MAN1A2: variants seen among roughly 807,000 people sequenced by gnomAD.
The protein encoded by MAN1A2 is mannosyl-oligosaccharide 1,2-alpha-mannosidase IB.
A neutral mutation model predicts 75.7 loss-of-function variants in MAN1A2; 26 were observed. That is an observed-to-expected ratio of 0.34 (90% CI 0.25 to 0.48). MAN1A2 has a LOEUF of 0.48. MAN1A2 is among the 20% of genes least tolerant of loss of function. The pLI is 0.99. For synonymous variants in MAN1A2, 247 were observed against 264.6 expected, an observed-to-expected ratio of 0.93 and a Z score of 0.65; for missense variants, 562 against 775.5, an observed-to-expected ratio of 0.72 and a Z score of 3.27.
intron 5 of MAN1A2, among the ~76,000 whole-genome samples, chr1:117,428,792 T>C (rs936280422): frequency 8.4e-5 from 12 of 142,430 alleles, no homozygotes; most frequent in Non-Finnish European, 7.6e-5. Context: ...TTCTTTTTTT[T>C]TTTTTTTTTT....
At chr1:117,522,673 G>T in intron 12 of MAN1A2, 152 bp from the exon 13 acceptor site, 1 of 653,798 alleles carries the variant, frequency 1.5e-6, no homozygotes, top group South Asian at 1.9e-5. Context: ...TTTGTGTTTA[G>T]ATCATTTGGG....
intron 8 of MAN1A2, among the ~76,000 whole-genome samples, chr1:117,467,555 A>G (rs1481627177): frequency 1.3e-5 from 2 of 152,092 alleles, no homozygotes; most frequent in Non-Finnish European, 2.9e-5. Flanking sequence ...GTTTCCTGAA[A>G]TTATTTACAT....
At chr1:117,464,635 C>G (rs925409044) in intron 7 of MAN1A2, among the ~76,000 whole-genome samples, 20 of 152,058 alleles carry the variant, frequency 1.3e-4, no homozygotes, top group South Asian at 8.3e-4. Context: ...ATGGTGAGTA[C>G]TTCTTTGGAC....
chr1:117,523,628 C>G lies in MAN1A2; in HGVS notation c.*671C>G, dbSNP rs1170911100. ...AATTTTCTCTGGGGGCATGATCTCA[C>G]AAAGAATACTCAAGTCTTTTTCTTC... is the stretch of plus-strand genomic sequence containing the variant. On this transcript the variant is annotated 3_prime_UTR_variant, in exon 13 of 13. Transcript: ENST00000356554. The G allele has an allele frequency of 5.9e-6, 1 of 169,134 alleles. No homozygotes were observed. Among genetic ancestry groups the G allele is most frequent in the Non-Finnish European group, 1.3e-5 (1 of 78,500 alleles). 10.5% of individuals were successfully genotyped at this position (169,134 alleles called of 1,614,324 possible). A position where few individuals can be genotyped will look rare whatever the true frequency, so the allele number is the denominator to read the frequency against.
In MAN1A2 at chr1:117,367,811, G is replaced by A; in HGVS notation, c.-373G>A. ...GGATGTCGCCAGTCTCCCTTTCGGGGCGGAAGACTACGTTTGAGCATCTCA... is the reference window on the plus strand; with the variant it reads ...GGATGTCGCCAGTCTCCCTTTCGGGACGGAAGACTACGTTTGAGCATCTCA... On this transcript the variant is annotated 5_prime_UTR_variant, in exon 1 of 13. Transcript: ENST00000356554. 1 of 186,374 alleles carries A rather than the reference G, an allele frequency of 5.4e-6. No homozygotes were observed. Among genetic ancestry groups the A allele is most frequent in the Non-Finnish European group, 1.1e-5 (1 of 90,570 alleles). The allele number at this position is 186,374 out of a possible 1,614,324, so 11.5% of individuals were successfully genotyped here.
intron 8 of MAN1A2, among the ~76,000 whole-genome samples, chr1:117,469,588 T>C (rs901381301): frequency 6.6e-6 from 1 of 152,048 alleles, no homozygotes; most frequent in African/African-American, 2.4e-5. Flanking sequence ...ACACAGAATA[T>C]ATAAAGAACT....
chr1:117,466,291 C>T (rs544675226), intron 7 of MAN1A2, 43 bp from the exon 8 acceptor site: 34 of 1,280,774 alleles, frequency 2.7e-5, no homozygotes, highest in Non-Finnish European at 3.7e-5. Flanking sequence ...GCCTTGATGA[C>T]ACTTATTTTT....
chr1:117,435,814 T>C (rs1053385866), intron 5 of MAN1A2, among the ~76,000 whole-genome samples: 15 of 152,182 alleles, frequency 9.9e-5, no homozygotes, highest in Non-Finnish European at 2.1e-4. Flanking sequence ...TCCCAGCACT[T>C]TGGGAGGCCG....
chr1:117,449,558 C>CAAA (rs34612489), intron 6 of MAN1A2, among the ~76,000 whole-genome samples: 6 of 106,672 alleles, frequency 5.6e-5, no homozygotes, highest in Admixed American at 1.1e-4. Context: ...GACCCTGTCT[C>CAAA]AAAAAAAAAA....
intron 7 of MAN1A2, among the ~76,000 whole-genome samples, chr1:117,466,047 C>T (rs558415078): frequency 8.1e-4 from 123 of 152,172 alleles, no homozygotes; most frequent in Non-Finnish European, 1.6e-3. Flanking sequence ...GATGGTATTT[C>T]TAGGTAGTAG....
At chr1:117,519,815 C>T (rs1262450566) in intron 12 of MAN1A2, among the ~76,000 whole-genome samples, 1 of 152,006 alleles carries the variant, frequency 6.6e-6, no homozygotes, top group Non-Finnish European at 1.5e-5. Flanking sequence ...AGTAACCCTC[C>T]CTAATTCATT....
At chr1:117,368,779 G>A (rs771130320) in intron 1 of MAN1A2, among the ~76,000 whole-genome samples, 2 of 152,112 alleles carry the variant, frequency 1.3e-5, no homozygotes, top group Non-Finnish European at 2.9e-5. Context: ...GGACATCTGG[G>A]AAGGGAGGTA....
At chr1:117,373,735 C>T (rs1423188194) in intron 1 of MAN1A2, among the ~76,000 whole-genome samples, 1 of 152,062 alleles carries the variant, frequency 6.6e-6, no homozygotes, top group Non-Finnish European at 1.5e-5. Flanking sequence ...TTCAAGTAAT[C>T]CTTTTACCTT....
At chr1:117,382,435 G>C (rs1653375847) in intron 1 of MAN1A2, among the ~76,000 whole-genome samples, 1 of 152,178 alleles carries the variant, frequency 6.6e-6, no homozygotes, top group Non-Finnish European at 1.5e-5. Flanking sequence ...TTATTAAATA[G>C]GGAATCCTTT....
intron 12 of MAN1A2, among the ~76,000 whole-genome samples, chr1:117,507,484 AAAG>A (rs746576906): frequency 1.1e-4 from 16 of 151,850 alleles, no homozygotes; most frequent in South Asian, 4.1e-4. Context: ...ATAAACCAAA[AAAG>A]AAGACATAAA....
chr1:117,451,761 A>G (rs914969154), intron 6 of MAN1A2, among the ~76,000 whole-genome samples: 1 of 152,182 alleles, frequency 6.6e-6, no homozygotes, highest in African/African-American at 2.4e-5. Flanking sequence ...GCCACGTGGA[A>G]CTGTAAGGCC....
chr1:117,483,210 T>G (rs557716618), intron 8 of MAN1A2, among the ~76,000 whole-genome samples: 2 of 152,152 alleles, frequency 1.3e-5, no homozygotes, highest in Non-Finnish European at 2.9e-5. Flanking sequence ...TAGGATTGTC[T>G]TGGCAATGCA....
At chr1:117,411,817 A>G (rs1355864359) in intron 3 of MAN1A2, among the ~76,000 whole-genome samples, 1 of 151,800 alleles carries the variant, frequency 6.6e-6, no homozygotes, top group Non-Finnish European at 1.5e-5. Flanking sequence ...TTGAGGATCA[A>G]CAATACCAAA....
At position 117,434,675 on chromosome 1, in the gene MAN1A2, A is replaced by G. The variant is rs887938139; in HGVS notation, c.856-7556A>G. Among the ~76,000 whole-genome samples the G allele has an allele frequency of 2.0e-5, 3 of 152,078 alleles. No homozygotes were observed. The East Asian group carries it at 5.8e-4, about 29-fold the overall frequency. ...TTAAACTATAAACCTAAATTTGTAT[A>G]TTTTAACGAGGAAAAATGTGCTTGA... On this transcript the variant is annotated intron_variant, in intron 5 of 12. Transcript: ENST00000356554.
Sources: allele counts gnomAD v4.1 joint callset (sites outside exome capture counted in the v4.1 genomes callset), GRCh38; gene constraint gnomAD v4.1.1; transcripts MANE v1.5; gene names NCBI Gene and HGNC (gene_info 2026-07-23, HGNC 2026-07-21).